Variants in DAPK2 observed in about 807,000 individuals in gnomAD.
DAPK2 encodes the protein death associated protein kinase 2, also known as death-associated protein kinase 2.
A neutral mutation model predicts 44.1 loss-of-function variants in DAPK2; 35 were observed. That is an observed-to-expected ratio of 0.79 (90% confidence interval 0.61 to 1.05). The LOEUF (loss-of-function observed/expected upper bound fraction) is 1.05. Ranked by LOEUF, DAPK2 falls within the 50% of genes least tolerant of loss-of-function variation. DAPK2 has a pLI of 0.00. For missense variants in DAPK2, 453 were observed against 483.2 expected, an observed-to-expected ratio of 0.94 and a Z score of 0.59; for synonymous variants, 174 against 182.6, an observed-to-expected ratio of 0.95 and a Z score of 0.38.
chr15:63,994,756 A>C (rs2078909016), intron 1 of DAPK2, among the ~76,000 whole-genome samples: 1 of 151,756 alleles, frequency 6.6e-6, no homozygotes, highest in Non-Finnish European at 1.5e-5. Flanking sequence ...TGCCTGGCTA[A>C]TTTTTGTATT....
upstream of DAPK2, among the ~76,000 whole-genome samples, chr15:64,044,826 G>C (rs891661859): frequency 6.6e-6 from 1 of 152,188 alleles, no homozygotes. Flanking sequence ...CGGGACCACA[G>C]CAAGAGGGCA....
At chr15:64,029,885 G>C (rs1224390255) in intron 1 of DAPK2, 1 of 152,270 alleles carries the variant, frequency 6.6e-6, no homozygotes, top group Non-Finnish European at 1.5e-5. Context: ...TACAGCCTGA[G>C]TTACAAGAGA....
In DAPK2 at chr15:63,980,549, T is replaced by A. The variant is rs1245695536; in HGVS notation, c.314+2984A>T. 6.6e-6 allele frequency among the ~76,000 whole-genome samples: 1 copy of A among 152,228 alleles called. No individual in the cohort carries two copies. The highest frequency in any genetic ancestry group is 1.5e-5 in the Non-Finnish European group (1 of 68,044). On this transcript the variant is annotated intron_variant, in intron 2 of 10. Transcript: ENST00000261891. The surrounding 1 kb of genome is among the most constrained non-coding windows in gnomAD (Gnocchi z 4.3). ...AGTCCCAAAAATGTCAGCCTTTGGC[T>A]TAGTCATCCCATTCCTGGGGATGTT...
At chr15:63,945,499 G>A (rs1355800092) in intron 3 of DAPK2, among the ~76,000 whole-genome samples, 1 of 152,168 alleles carries the variant, frequency 6.6e-6, no homozygotes, top group Admixed American at 6.5e-5. Context: ...GATGCGGATG[G>A]AGCAGGAAGG....
At chr15:63,975,461 C>T (rs2078317374) in intron 2 of DAPK2, among the ~76,000 whole-genome samples, 1 of 152,098 alleles carries the variant, frequency 6.6e-6, no homozygotes, top group Non-Finnish European at 1.5e-5. Flanking sequence ...TTCTATTTCA[C>T]ACTTTAAGAA....
rs1033940450 is a variant in DAPK2 at position 64,040,143 on chromosome 15, C to T, written c.92+27G>A. On this transcript the variant is annotated intron_variant, in intron 1 of 10. Transcript: ENST00000261891. ...AGCATGACTTTGGCTCCCTCGGCAT[C>T]CCCCCACCTCTCACACAGTCTCCTA... 15 of 1,579,714 alleles carry T rather than the reference C, an allele frequency of 9.5e-6. No homozygotes were observed. In the East Asian group the frequency reaches 1.6e-4, roughly 17 times the overall value.
In DAPK2 at chr15:64,006,679, A is replaced by G. The variant is rs1364301141; in HGVS notation, c.93-22925T>C. 2.0e-5 allele frequency among the ~76,000 whole-genome samples: 3 copies of G among 152,224 alleles called. No individual in the cohort carries two copies. In the East Asian group the frequency reaches 5.8e-4, roughly 29 times the overall value. On this transcript the variant is annotated intron_variant, in intron 1 of 10. Transcript: ENST00000261891. ...GGGGAAACTGAGGCCTAGCAAAGGA[A>G]AGGAACTTGCCCACATCACCTATTC...
exon 3 of DAPK2, chr15:63,971,438 A>G: frequency 6.2e-7 from 1 of 1,614,164 alleles, no homozygotes; most frequent in Non-Finnish European, 8.5e-7. Flanking sequence ...GATCAAAGTG[A>G]GCAATTTTCT....
intron 1 of DAPK2, among the ~76,000 whole-genome samples, chr15:64,045,816 G>A (rs1253201822): frequency 6.6e-6 from 1 of 152,210 alleles, no homozygotes; most frequent in African/African-American, 2.4e-5. Context: ...CCCCAGGCCG[G>A]GGCGCCTGAC....
rs200490899 is a variant in DAPK2, at chr15:63,926,101, C to T, written c.660-8G>A. On this transcript the variant is annotated splice_region_variant and splice_polypyrimidine_tract_variant and intron_variant, in intron 6 of 10. Coordinates refer to ENST00000261891, the Ensembl canonical transcript of DAPK2. ...GGGGATGCTCCACTTAAGCTGAGTA[C>T]GACAGACAGGGAATCAAATAACTAA... The T allele has an allele frequency of 4.3e-5, 68 of 1,593,898 alleles. No homozygotes were observed. The highest frequency in any genetic ancestry group is 7.0e-5 in the Admixed American group (4 of 57,544).
chr15:63,985,317 T>A (rs912791143), intron 1 of DAPK2, among the ~76,000 whole-genome samples: 1 of 152,138 alleles, frequency 6.6e-6, no homozygotes, highest in East Asian at 1.9e-4. Context: ...GCAGGTGGAG[T>A]GGAGCCAGGC....
At chr15:64,018,510 A>G (rs1337651762) in intron 1 of DAPK2, among the ~76,000 whole-genome samples, 5 of 152,162 alleles carry the variant, frequency 3.3e-5, no homozygotes, top group Admixed American at 1.3e-4. Context: ...GCCCCGCAAC[A>G]AATGGCCTCC....
At chr15:63,951,893 T>C (rs1249543365) in intron 3 of DAPK2, among the ~76,000 whole-genome samples, 1 of 152,212 alleles carries the variant, frequency 6.6e-6, no homozygotes, top group African/African-American at 2.4e-5. Context: ...ACTCAGCATG[T>C]GTTGGGCACT....
At chr15:63,936,713 G>T (rs1051318587) in intron 4 of DAPK2, among the ~76,000 whole-genome samples, 49 of 151,584 alleles carry the variant, frequency 3.2e-4, no homozygotes, top group African/African-American at 1.2e-3. Flanking sequence ...GGGCATGGTG[G>T]TTCACGCCTG....
rs1374454298 is a variant in DAPK2 at position 63,980,876 on chromosome 15, G to A, written c.314+2657C>T. 6.6e-6 allele frequency among the ~76,000 whole-genome samples: 1 copy of A among 152,158 alleles called. No homozygotes were observed. Among genetic ancestry groups the A allele is most frequent in the Admixed American group, 6.5e-5 (1 of 15,274 alleles). On this transcript the variant is annotated intron_variant, in intron 2 of 10. Coordinates refer to ENST00000261891, the Ensembl canonical transcript of DAPK2. The surrounding 1 kb of genome is among the most constrained non-coding windows in gnomAD (Gnocchi z 4.3). ...AGGCCAAGGCAGGCGGATCATCTAA[G>A]GTCAGGAGTTCGAGACCAGCCTGGC...
chr15:63,924,971 C>A, intron 7 of DAPK2, 110 bp from the exon 9 acceptor site: 1 of 1,159,864 alleles, frequency 8.6e-7, no homozygotes, highest in South Asian at 1.4e-5. Context: ...TTGGCCACTG[C>A]CGTCAAACCA....
At chr15:64,027,941 T>C (rs529068795) in intron 1 of DAPK2, among the ~76,000 whole-genome samples, 19 of 152,198 alleles carry the variant, frequency 1.2e-4, no homozygotes, top group Non-Finnish European at 2.8e-4. Context: ...AACACCAATA[T>C]TTTTAGCAGT....
intron 1 of DAPK2, among the ~76,000 whole-genome samples, chr15:64,029,303 G>A (rs942496285): frequency 6.6e-6 from 1 of 152,178 alleles, no homozygotes; most frequent in Non-Finnish European, 1.5e-5. Flanking sequence ...AATGGGTGAT[G>A]AAAGTGCCTC....
intron 1 of DAPK2, among the ~76,000 whole-genome samples, chr15:63,986,474 G>C (rs986035214): frequency 6.6e-6 from 1 of 152,122 alleles, no homozygotes; most frequent in Non-Finnish European, 1.5e-5. Context: ...GCCCCGGCTG[G>C]AGGGCAGTGG....
Sources: gnomAD v4.1 joint callset for allele counts (sites outside exome capture counted in the v4.1 genomes callset) on GRCh38, gnomAD v4.1.1 for gene constraint, Gnocchi (gnomAD v3.1) non-coding constraint, MANE v1.5 for transcripts, NCBI Gene and HGNC (gene_info 2026-07-23, HGNC 2026-07-21) for gene names.